The following PRKCA variants were observed in gnomAD, a reference collection of about 807,000 sequenced individuals.
PRKCA encodes protein kinase C alpha type.
A neutral mutation model predicts 87.0 loss-of-function variants in PRKCA; 27 were observed. That is an observed-to-expected ratio of 0.31 (90% CI 0.23 to 0.43). The LOEUF (loss-of-function observed/expected upper bound fraction) is 0.43, where lower values mean the gene tolerates loss of function less well. Ranked by LOEUF, PRKCA falls within the 20% of genes least tolerant of loss-of-function variation. The pLI, the probability that PRKCA is intolerant of heterozygous loss-of-function variation, is 1.00. For missense variants in PRKCA, 518 were observed against 852.3 expected, an observed-to-expected ratio of 0.61 and a Z score of 4.88; for synonymous variants, 329 against 311.1, an observed-to-expected ratio of 1.06 and a Z score of -0.61.
At chr17:66,701,551 T>C (rs745429667) in intron 8 of PRKCA, among the ~76,000 whole-genome samples, 2 of 152,206 alleles carry the variant, frequency 1.3e-5, no homozygotes, top group Non-Finnish European at 2.9e-5. Context: ...GCAAACTGTA[T>C]ATCCAATAAG....
intron 3 of PRKCA, among the ~76,000 whole-genome samples, chr17:66,621,370 T>G (rs1009601406): frequency 2.6e-5 from 4 of 152,232 alleles, no homozygotes; most frequent in Non-Finnish European, 5.9e-5. Context: ...AAAATGTGAT[T>G]ATTTCTTCTC....
At chr17:66,447,427 T>A (rs1240472905) in intron 2 of PRKCA, among the ~76,000 whole-genome samples, 1 of 152,108 alleles carries the variant, frequency 6.6e-6, no homozygotes, top group Non-Finnish European at 1.5e-5. Flanking sequence ...CCTTCCTCAC[T>A]CCCAAAGGCA....
chr17:66,519,398 G>A (rs919640250), intron 3 of PRKCA, among the ~76,000 whole-genome samples: 1 of 152,192 alleles, frequency 6.6e-6, no homozygotes, highest in Non-Finnish European at 1.5e-5. Context: ...AGATATTCAT[G>A]CAAGGCATTT....
At chr17:66,694,452 G>A (rs1972865904) in intron 8 of PRKCA, among the ~76,000 whole-genome samples, 1 of 125,762 alleles carries the variant, frequency 8.0e-6, no homozygotes. Flanking sequence ...CTGCACTCCA[G>A]CTTGGGCGAC....
chr17:66,800,711 T>C (rs759376860), intron 16 of PRKCA, among the ~76,000 whole-genome samples: 3 of 152,232 alleles, frequency 2.0e-5, no homozygotes, highest in Non-Finnish European at 4.4e-5. Flanking sequence ...CTGTGCACTC[T>C]TTTTGCAGAA....
chr17:66,528,089 G>A (rs1241994318), intron 3 of PRKCA, among the ~76,000 whole-genome samples: 1 of 151,878 alleles, frequency 6.6e-6, no homozygotes, highest in Admixed American at 6.6e-5. Context: ...GTAAGCCCAG[G>A]CATCTGTAAG....
chr17:66,517,148 G>A (rs529793314), intron 3 of PRKCA, among the ~76,000 whole-genome samples: 3 of 152,172 alleles, frequency 2.0e-5, no homozygotes, highest in East Asian at 1.9e-4. Flanking sequence ...GCTGGGCGTG[G>A]TGGTGCGCAC....
intron 13 of PRKCA, among the ~76,000 whole-genome samples, chr17:66,760,817 C>A (rs1403448802): frequency 6.6e-6 from 1 of 152,156 alleles, no homozygotes; most frequent in Non-Finnish European, 1.5e-5. Context: ...CAAGTTGAAT[C>A]CAACATGTAT....
In PRKCA at chr17:66,689,456, CTT is replaced by C. The variant is rs931579883; in HGVS notation, c.918+417_918+418del. On this transcript the variant is annotated intron_variant, in intron 8 of 16. Coordinates refer to ENST00000413366, the MANE Select transcript of PRKCA (RefSeq NM_002737.3). This position sits in a 1 kb window ranked among gnomAD's most constrained non-coding sequence, Gnocchi z 4.1. Reference sequence around the variant, plus strand: ...TGTGTAATCAGGCTATCATCTGAGACTTTTTTTTTCTACAGAAAGTACAAGGT... The same window carrying C: ...TGTGTAATCAGGCTATCATCTGAGACTTTTTTTCTACAGAAAGTACAAGGT... Among the ~76,000 whole-genome samples the C allele has an allele frequency of 1.3e-5, 2 of 151,618 alleles. No individual in the cohort carries two copies. The highest frequency in any genetic ancestry group is 2.9e-5 in the Non-Finnish European group (2 of 67,884).
intron 2 of PRKCA, among the ~76,000 whole-genome samples, chr17:66,362,486 A>G (rs1296711251): frequency 6.6e-6 from 1 of 152,160 alleles, no homozygotes; most frequent in African/African-American, 2.4e-5. Flanking sequence ...TCCAATGTTC[A>G]ATGTTATAAT....
intron 3 of PRKCA, among the ~76,000 whole-genome samples, chr17:66,556,654 C>T (rs1968504546): frequency 6.6e-6 from 1 of 152,110 alleles, no homozygotes; most frequent in Non-Finnish European, 1.5e-5. Context: ...CAGTGTTTTT[C>T]CCATGCTGTT....
At chr17:66,629,520 C>T (rs967742637) in intron 3 of PRKCA, among the ~76,000 whole-genome samples, 5 of 152,146 alleles carry the variant, frequency 3.3e-5, no homozygotes, top group Admixed American at 1.3e-4. Context: ...TGTTCTCAGT[C>T]GTACAGACTT....
chr17:66,361,035 C>T (rs548360587), intron 2 of PRKCA, among the ~76,000 whole-genome samples: 6 of 151,850 alleles, frequency 4.0e-5, no homozygotes, highest in South Asian at 2.1e-4. Flanking sequence ...AACAAGCTCT[C>T]GGTGATCTGT....
At chr17:66,721,757 G>A (rs1217038038) in intron 8 of PRKCA, among the ~76,000 whole-genome samples, 1 of 152,160 alleles carries the variant, frequency 6.6e-6, no homozygotes, top group African/African-American at 2.4e-5. Flanking sequence ...ACTGCATCCT[G>A]TTTTATCATG....
At chr17:66,547,611 G>C (rs1968185826) in intron 3 of PRKCA, among the ~76,000 whole-genome samples, 1 of 152,134 alleles carries the variant, frequency 6.6e-6, no homozygotes, top group Non-Finnish European at 1.5e-5. Flanking sequence ...TACCTACCCT[G>C]GGTAAGTTCC....
chr17:66,469,396 C>T (rs73996227), intron 2 of PRKCA, among the ~76,000 whole-genome samples: 9,685 of 152,150 alleles, frequency 0.064, 1,025 homozygotes, highest in African/African-American at 0.22. Context: ...GTGACATATG[C>T]TCATTGGGGG....
At position 66,803,339 on chromosome 17, in the gene PRKCA, A is replaced by G. The variant is rs1311597103; in HGVS notation, c.1855-534A>G. ...GCCACACCTACCTCATATCGCTTGA[A>G]GCTTAATTTAGGGGCTGGGGTTGCT... On this transcript the variant is annotated intron_variant, in intron 16 of 16. Coordinates refer to ENST00000413366, the MANE Select transcript of PRKCA (RefSeq NM_002737.3). This position sits in a 1 kb window ranked among gnomAD's most constrained non-coding sequence, Gnocchi z 4.4. Among the ~76,000 whole-genome samples the G allele has an allele frequency of 6.6e-6, 1 of 152,194 alleles. No homozygotes were observed. The highest frequency in any genetic ancestry group is 1.5e-5 in the Non-Finnish European group (1 of 68,036).
chr17:66,393,740 G>A (rs1459046062), intron 2 of PRKCA, among the ~76,000 whole-genome samples: 1 of 152,116 alleles, frequency 6.6e-6, no homozygotes, highest in Non-Finnish European at 1.5e-5. Flanking sequence ...CCAGGCCTGA[G>A]TGCAGCGCCC....
chr17:66,397,096 G>C (rs1202950905), intron 2 of PRKCA, among the ~76,000 whole-genome samples: 2 of 148,212 alleles, frequency 1.3e-5, no homozygotes, highest in Non-Finnish European at 3.0e-5. Flanking sequence ...CTCCCGAGTA[G>C]CTGGGGCTAC....
Sources: gnomAD v4.1 joint callset for allele counts (sites outside exome capture counted in the v4.1 genomes callset) on GRCh38, gnomAD v4.1.1 for gene constraint, Gnocchi (gnomAD v3.1) non-coding constraint, MANE v1.5 for transcripts, NCBI Gene and HGNC (gene_info 2026-07-23, HGNC 2026-07-21) for gene names.